The following TNKS variants were observed in gnomAD, a reference collection of about 807,000 sequenced individuals.
TNKS encodes tankyrase.
A neutral mutation model predicts 135.8 loss-of-function variants in TNKS; 72 were observed. The ratio of observed to expected loss-of-function variants is 0.53; its 90% CI spans 0.44 to 0.64. The LOEUF is 0.64. Among genes scored for constraint, TNKS ranks in the 30% least tolerant of loss-of-function variants. The pLI is 0.00. For missense variants in TNKS, 1,769 were observed against 1,674.0 expected (o/e 1.06, Z -0.99); for synonymous variants, 849 against 649.3 (o/e 1.31, Z -4.68).
At chr8:9,574,736 C>G (rs1320607993) in intron 1 of TNKS, among the ~76,000 whole-genome samples, 1 of 152,138 alleles carries the variant, frequency 6.6e-6, no homozygotes, top group Non-Finnish European at 1.5e-5. Flanking sequence ...CTATGAAAGA[C>G]TTGATTTTTT....
At chr8:9,659,588 G>T (rs1412907002) in intron 3 of TNKS, among the ~76,000 whole-genome samples, 1 of 152,104 alleles carries the variant, frequency 6.6e-6, no homozygotes, top group East Asian at 1.9e-4. Flanking sequence ...TCAAAGCAGT[G>T]TGTAGAGGGA....
intron 18 of TNKS, 95 bp downstream of exon 18, chr8:9,748,307 AT>A (rs1183598675): frequency 5.0e-5 from 57 of 1,135,938 alleles, no homozygotes; most frequent in Non-Finnish European, 6.2e-5. Context: ...AGTCGTGTTT[AT>A]TTCACTTAGA....
intron 3 of TNKS, among the ~76,000 whole-genome samples, chr8:9,644,922 G>A (rs909540907): frequency 6.6e-6 from 1 of 152,164 alleles, no homozygotes; most frequent in African/African-American, 2.4e-5. Flanking sequence ...TAGGCTTTGT[G>A]TGAGATGATT....
chr8:9,567,796 GGAA>G (rs1425310622), intron 1 of TNKS, among the ~76,000 whole-genome samples: 1 of 152,156 alleles, frequency 6.6e-6, no homozygotes, highest in Non-Finnish European at 1.5e-5. Context: ...TTTGACTCAT[GGAA>G]GAAGAAGTTA....
chr8:9,639,022 A>G (rs562450726), intron 3 of TNKS, among the ~76,000 whole-genome samples: 28 of 152,242 alleles, frequency 1.8e-4, no homozygotes, highest in African/African-American at 6.7e-4. Context: ...AAAACAAATT[A>G]TTGTCTAACC....
At chr8:9,575,500 A>T in intron 1 of TNKS, 1 of 898,522 alleles carries the variant, frequency 1.1e-6, no homozygotes, top group Non-Finnish European at 1.3e-6. Context: ...GGAAAAATAA[A>T]AATAAAAATT....
In TNKS at chr8:9,656,611, C is replaced by CTTT. The variant is rs71201960; in HGVS notation, c.995-23327_995-23325dup. Among the ~76,000 whole-genome samples the CTTT allele has an allele frequency of 7.3e-5, 10 of 136,458 alleles. No individual in the cohort carries two copies. The East Asian group carries it at 8.3e-4, about 11-fold the overall frequency. The allele number at this position is 136,458 out of a possible 152,430, so 89.5% of individuals were successfully genotyped here. A position where few individuals can be genotyped will look rare whatever the true frequency, so the allele number is the denominator to read the frequency against. On this transcript the variant is annotated intron_variant, in intron 3 of 26. Coordinates refer to ENST00000310430, the MANE Select transcript of TNKS (RefSeq NM_003747.3). ...CAACATTCTTAAAGAAAAGAATTTTCTTTTTTTTTTTTTTTAATTTATTTT... is the reference window on the plus strand; with the variant it reads ...CAACATTCTTAAAGAAAAGAATTTTCTTTTTTTTTTTTTTTTTTAATTTATTTT...
chr8:9,665,116 A>T (rs965110242), intron 3 of TNKS, among the ~76,000 whole-genome samples: 1 of 152,138 alleles, frequency 6.6e-6, no homozygotes, highest in African/African-American at 2.4e-5. Flanking sequence ...TGTACTCTAG[A>T]CTAAGTTTTC....
intron 12 of TNKS, among the ~76,000 whole-genome samples, chr8:9,725,876 T>C (rs1311625606): frequency 7.2e-5 from 11 of 152,270 alleles, no homozygotes; most frequent in African/African-American, 2.7e-4. Context: ...ATCAAAATAA[T>C]AACTCATTTG....
At chr8:9,682,619 CTCT>C (rs1157525022) in intron 5 of TNKS, among the ~76,000 whole-genome samples, 1 of 152,046 alleles carries the variant, frequency 6.6e-6, no homozygotes, top group African/African-American at 2.4e-5. Context: ...CCTCTACTAG[CTCT>C]TCTTGTATTT....
At chr8:9,656,626 T>TTTTTTA (rs398112180) in intron 3 of TNKS, among the ~76,000 whole-genome samples, 1 of 144,604 alleles carries the variant, frequency 6.9e-6, no homozygotes, top group African/African-American at 2.6e-5. Flanking sequence ...TTTTTTTTTT[T>TTTTTTA]AATTTATTTT....
chr8:9,688,337 G>A (rs534017288), intron 5 of TNKS, among the ~76,000 whole-genome samples: 32 of 152,322 alleles, frequency 2.1e-4, no homozygotes, highest in African/African-American at 7.5e-4. Flanking sequence ...CCAGCCTGAT[G>A]AGAAATGGCA....
intron 3 of TNKS, among the ~76,000 whole-genome samples, chr8:9,619,437 A>C (rs1799778099): frequency 6.6e-6 from 1 of 152,182 alleles, no homozygotes; most frequent in Non-Finnish European, 1.5e-5. Context: ...ATAGATAACC[A>C]AAGGAATGTT....
At chr8:9,664,773 A>G (rs34173677) in intron 3 of TNKS, among the ~76,000 whole-genome samples, 17,609 of 152,246 alleles carry the variant, frequency 0.12, 1,220 homozygotes, top group Admixed American at 0.22. Flanking sequence ...ATTAACAAGT[A>G]TACAACTGTT....
intron 3 of TNKS, among the ~76,000 whole-genome samples, chr8:9,617,554 A>G (rs1162199660): frequency 6.6e-6 from 1 of 152,226 alleles, no homozygotes; most frequent in Non-Finnish European, 1.5e-5. Context: ...ATGCTATATA[A>G]TGCAGTGAAA....
rs903658878 is a variant in TNKS, at chr8:9,679,476, GT to G, written c.995-465del. ...ATAAAGCTCAACAATAGTAATTAAT[GT>G]TTTTTTTTTAACTTTCCATGTCATT... On this transcript the variant is annotated intron_variant, in intron 3 of 26. Coordinates refer to ENST00000310430, the MANE Select transcript of TNKS (RefSeq NM_003747.3). Among the ~76,000 whole-genome samples, 365 of 148,520 alleles carry G rather than the reference GT, an allele frequency of 2.5e-3. 2 individuals carry two copies. Among genetic ancestry groups the G allele is most frequent in the African/African-American group, 7.6e-3 (307 of 40,480 alleles).
intron 3 of TNKS, among the ~76,000 whole-genome samples, chr8:9,666,660 G>C (rs1314217466): frequency 6.6e-6 from 1 of 151,966 alleles, no homozygotes; most frequent in Non-Finnish European, 1.5e-5. Flanking sequence ...GGCAGAGTTT[G>C]CAGTGAGCCA....
At chr8:9,617,207 G>A (rs990120329) in intron 3 of TNKS, among the ~76,000 whole-genome samples, 11 of 152,162 alleles carry the variant, frequency 7.2e-5, no homozygotes, top group South Asian at 2.1e-4. Flanking sequence ...AGATTATATT[G>A]GATGTTGTTA....
At position 9,773,888 on chromosome 8, in the gene TNKS, G is replaced by A. The variant is rs545822312; in HGVS notation, c.3898-2762G>A. ...ATGAGCAGTTTTTGCTAATTTTATAGGGAAGTTTTCCTTTGCTAACTTTTA... is the reference window on the plus strand; with the variant it reads ...ATGAGCAGTTTTTGCTAATTTTATAAGGAAGTTTTCCTTTGCTAACTTTTA... On this transcript the variant is annotated intron_variant, in intron 26 of 26. Coordinates refer to ENST00000310430, the MANE Select transcript of TNKS (RefSeq NM_003747.3). Among the ~76,000 whole-genome samples, 9 of 152,242 alleles carry A rather than the reference G, an allele frequency of 5.9e-5. No homozygotes were observed. In the South Asian group the frequency reaches 1.9e-3, roughly 32 times the overall value.
Sources: gnomAD v4.1 joint callset for allele counts (sites outside exome capture counted in the v4.1 genomes callset) on GRCh38, gnomAD v4.1.1 for gene constraint, MANE v1.5 for transcripts, NCBI Gene and HGNC (gene_info 2026-07-23, HGNC 2026-07-21) for gene names.